SESN3: variants seen among roughly 807,000 people sequenced by gnomAD.
The protein encoded by SESN3 is sestrin-3.
A neutral mutation model predicts 55.3 loss-of-function variants in SESN3; 21 were observed. That is an observed-to-expected ratio of 0.38 (90% confidence interval 0.27 to 0.55). The LOEUF (loss-of-function observed/expected upper bound fraction) is 0.55. Among genes scored for constraint, SESN3 ranks in the 20% least tolerant of loss-of-function variants. The pLI, the probability that SESN3 is intolerant of heterozygous loss-of-function variation, is 0.76. For missense variants in SESN3, 408 were observed against 604.3 expected, an observed-to-expected ratio of 0.68 and a Z score of 3.41; for synonymous variants, 181 against 203.1, an observed-to-expected ratio of 0.89 and a Z score of 0.93.
intron 1 of SESN3, among the ~76,000 whole-genome samples, chr11:95,200,735 C>T (rs753456866): frequency 2.0e-5 from 3 of 152,070 alleles, no homozygotes; most frequent in African/African-American, 7.2e-5. Flanking sequence ...CTTCCTGCAA[C>T]AGTTTTACCT....
chr11:95,205,941 A>T (rs1426295102), intron 1 of SESN3, among the ~76,000 whole-genome samples: 1 of 152,130 alleles, frequency 6.6e-6, no homozygotes, highest in African/African-American at 2.4e-5. Flanking sequence ...AAGAAAGGCA[A>T]GATCTCCAAC....
chr11:95,189,984 C>A (rs2030598900), intron 3 of SESN3, 23 bp from the exon 4 acceptor site: 2 of 1,554,132 alleles, frequency 1.3e-6, no homozygotes, highest in South Asian at 2.4e-5. Context: ...GAAAAAAATT[C>A]ATTGATAAAA....
chr11:95,189,860 C>T lies in SESN3; in HGVS notation c.444G>A (p.Val148=). ...IAEWLNGLEY[V]PQRLKNLNEI... ...CATTAAGATTTTTCAGTCTTTGTGG[C>T]ACATATTCCAAACCATTCAACCACT... The change falls in exon 4 of 10, where the codon GTG becomes GTA. Residue 148 remains valine, a synonymous_variant. Coordinates refer to ENST00000536441, the MANE Select transcript of SESN3 (RefSeq NM_144665.4). 1 of 1,611,666 alleles carries T rather than the reference C, an allele frequency of 6.2e-7. No individual in the cohort carries two copies. The highest frequency in any genetic ancestry group is 8.5e-7 in the Non-Finnish European group (1 of 1,178,568).
Position 95,193,351 on chromosome 11 carries a change from C to G in SESN3, c.144+106G>C. ...TTTTCTGACATGTGAACAAGAAACT[C>G]AAAAGCAAAATTCATTCCTACTTTC... On this transcript the variant is annotated intron_variant, in intron 2 of 9. Transcript: ENST00000536441. The G allele has an allele frequency of 1.5e-5, 11 of 712,900 alleles. No individual in the cohort carries two copies. The South Asian group carries it at 1.8e-4, about 12-fold the overall frequency. 44.2% of individuals were successfully genotyped at this position (712,900 alleles called of 1,614,324 possible). A position where few individuals can be genotyped will look rare whatever the true frequency, so the allele number is the denominator to read the frequency against.
chr11:95,190,171 G>A (rs935180871), intron 3 of SESN3, among the ~76,000 whole-genome samples: 39 of 151,882 alleles, frequency 2.6e-4, no homozygotes, highest in Admixed American at 1.9e-3. Flanking sequence ...ATTGCCACAT[G>A]AAGCCAATTA....
At position 95,173,320 on chromosome 11, in the gene SESN3, T is replaced by C; in HGVS notation, c.1414A>G (p.Met472Val). ...SEKVHVNLLL[M>V]EARMQAELLY... ...AGTTCAGCTTGCATTCGTGCTTCCA[T>C]TAAAAGTAGATTGACATGAACCTAG... Residue 472 changes from methionine (M) to valine (V), a missense_variant, in exon 10 of 10, where the codon ATG becomes GTG. This residue lies in a region of SESN3 where 121 missense variants were observed against 204.9 expected (regional missense o/e 0.59). Transcript: ENST00000536441. The C allele has an allele frequency of 6.3e-7, 1 of 1,597,078 alleles. No individual in the cohort carries two copies. Among genetic ancestry groups the C allele is most frequent in the Non-Finnish European group, 8.6e-7 (1 of 1,165,956 alleles).
At chr11:95,198,791 C>T (rs1019172601) in intron 1 of SESN3, among the ~76,000 whole-genome samples, 4 of 152,080 alleles carry the variant, frequency 2.6e-5, no homozygotes, top group Admixed American at 1.3e-4. Context: ...CAGGACAATG[C>T]GAATCTAGGC....
intron 1 of SESN3, chr11:95,201,131 TA>T (rs1174089299): frequency 4.6e-5 from 7 of 152,018 alleles, no homozygotes; most frequent in African/African-American, 1.7e-4. Context: ...ATATTATGAT[TA>T]AGTAACTTTC....
chr11:95,210,065 C>T (rs1208363374), intron 1 of SESN3, among the ~76,000 whole-genome samples: 1 of 149,214 alleles, frequency 6.7e-6, no homozygotes, highest in Non-Finnish European at 1.5e-5. Context: ...ATGCCCTTTG[C>T]AGGGACATGG....
chr11:95,211,192 T>G (rs907885371), intron 1 of SESN3, among the ~76,000 whole-genome samples: 2 of 152,220 alleles, frequency 1.3e-5, no homozygotes, highest in African/African-American at 2.4e-5. Flanking sequence ...CTCTTTATTC[T>G]AGAAAGCCTG....
At chr11:95,225,518 T>C (rs1860932570) in intron 1 of SESN3, among the ~76,000 whole-genome samples, 2 of 152,222 alleles carry the variant, frequency 1.3e-5, no homozygotes, top group East Asian at 1.9e-4. Flanking sequence ...GGATATTCCC[T>C]AGCAGCCTCA....
chr11:95,218,952 A>G (rs757302393), intron 1 of SESN3, among the ~76,000 whole-genome samples: 5 of 152,188 alleles, frequency 3.3e-5, no homozygotes, highest in Non-Finnish European at 7.4e-5. Flanking sequence ...GCACCCGGCC[A>G]TATTTACCCT....
At chr11:95,175,869 T>C (rs1859945882) in intron 8 of SESN3, among the ~76,000 whole-genome samples, 2 of 152,196 alleles carry the variant, frequency 1.3e-5, no homozygotes, top group South Asian at 4.1e-4. Flanking sequence ...AGCTTAAATT[T>C]TGTTGAAGAA....
At chr11:95,186,803 G>A (rs1860176068) in intron 4 of SESN3, among the ~76,000 whole-genome samples, 1 of 151,646 alleles carries the variant, frequency 6.6e-6, no homozygotes, top group Non-Finnish European at 1.5e-5. Flanking sequence ...CTGTAATAAT[G>A]TAAATAAAGA....
intron 4 of SESN3, among the ~76,000 whole-genome samples, chr11:95,186,194 C>CTGTGTGTG (rs35466696): frequency 0.045 from 4,873 of 107,552 alleles, 175 homozygotes; most frequent in Middle Eastern, 0.087. Flanking sequence ...CTATCTCTCA[C>CTGTGTGTG]TGTGTGTGTG....
At chr11:95,191,654 T>C (rs1184858818) in intron 2 of SESN3, 53 bp from the exon 3 acceptor site, 1 of 1,379,516 alleles carries the variant, frequency 7.2e-7, no homozygotes, top group Non-Finnish European at 1.0e-6. Flanking sequence ...AAACACACCC[T>C]TGGTTTAAAT....
intron 1 of SESN3, among the ~76,000 whole-genome samples, chr11:95,195,768 G>A (rs1022758482): frequency 1.2e-4 from 19 of 152,158 alleles, no homozygotes; most frequent in Admixed American, 8.5e-4. Flanking sequence ...ACTTACTATG[G>A]TTTGGGTTAT....
intron 1 of SESN3, among the ~76,000 whole-genome samples, chr11:95,209,797 TC>T (rs1195992995): frequency 6.7e-6 from 1 of 150,316 alleles, no homozygotes; most frequent in Non-Finnish European, 1.5e-5. Flanking sequence ...CGGGTGGATC[TC>T]CTGAGGTTAG....
rs752292702 is a variant in SESN3, at chr11:95,177,736, G to C, written c.1230C>G (p.His410Gln). ...GAACATACCTGATTCCAAACATACAGTGAACATAGTTAAATAAAGCTCTGC... is the reference window on the plus strand; with the variant it reads ...GAACATACCTGATTCCAAACATACACTGAACATAGTTAAATAAAGCTCTGC... ...MLRRALFNYVHCMFGIRYDDY... is the reference protein window; with the variant it reads ...MLRRALFNYVQCMFGIRYDDY... The change falls in exon 8 of 10, where the codon CAC becomes CAG. Residue 410 changes from histidine (H) to glutamine (Q), a missense_variant. By Grantham distance (24) the His-to-Gln change is conservative (BLOSUM62 0). This residue lies in a region of SESN3 where 121 missense variants were observed against 204.9 expected (regional missense o/e 0.59). Coordinates refer to ENST00000536441, the MANE Select transcript of SESN3 (RefSeq NM_144665.4). 2.5e-6 allele frequency: 4 copies of C among 1,609,490 alleles called. No homozygotes were observed. The highest frequency in any genetic ancestry group is 3.4e-5 in the Admixed American group (2 of 58,988).
Sources: gnomAD v4.1 joint callset for allele counts (sites outside exome capture counted in the v4.1 genomes callset) on GRCh38, gnomAD v4.1.1 for gene constraint, gnomAD v4.1.1 regional missense constraint, MANE v1.5 for transcripts, NCBI Gene and HGNC (gene_info 2026-07-23, HGNC 2026-07-21) for gene names.